Variants in PRELID2 observed in about 807,000 individuals in gnomAD.
PRELID2 encodes PRELI domain containing 2.
Under a neutral mutation model 28.4 loss-of-function variants are expected in PRELID2, and 25 were observed. The ratio of observed to expected loss-of-function variants is 0.88; its 90% confidence interval spans 0.64 to 1.23. PRELID2 has a LOEUF of 1.23. PRELID2 is among the 50% of genes most tolerant of loss of function. PRELID2 has a pLI of 0.00. For missense variants in PRELID2, 201 were observed against 214.4 expected (o/e 0.94, Z 0.39); for synonymous variants, 76 against 71.6 (o/e 1.06, Z -0.31).
At chr5:145,445,648 T>C in the PRELID2 span, among the ~76,000 whole-genome samples, 107 of 152,054 alleles carry the variant, frequency 7.0e-4, no homozygotes, top group African/African-American at 2.5e-3. Flanking sequence ...ATCCAGGTTA[T>C]ATAAGGTGCT....
chr5:145,319,167 G>A, the PRELID2 span, among the ~76,000 whole-genome samples: 1 of 152,132 alleles, frequency 6.6e-6, no homozygotes, highest in African/African-American at 2.4e-5. Context: ...AGAAATGCCT[G>A]TTCCCATTTA....
intron 1 of PRELID2, among the ~76,000 whole-genome samples, chr5:145,680,206 T>G (rs193180817): frequency 1.3e-5 from 2 of 152,142 alleles, no homozygotes. Context: ...ATTTGTGTTT[T>G]GAAAAAAGAA....
At chr5:145,380,458 T>G in the PRELID2 span, among the ~76,000 whole-genome samples, 2 of 152,334 alleles carry the variant, frequency 1.3e-5, no homozygotes, top group South Asian at 2.1e-4. Flanking sequence ...CCTCCAAAAG[T>G]TATTTTCTAA....
At chr5:145,393,468 C>G in the PRELID2 span, among the ~76,000 whole-genome samples, 1 of 152,142 alleles carries the variant, frequency 6.6e-6, no homozygotes, top group Non-Finnish European at 1.5e-5. Flanking sequence ...CGGGCAGCCT[C>G]CAGAACAAGA....
At chr5:145,819,796 A>G in intron 3 of PRELID2, 149 bp downstream of exon 3, 1 of 651,516 alleles carries the variant, frequency 1.5e-6, no homozygotes, top group South Asian at 1.9e-5. Context: ...GAGGTTGGAT[A>G]AGAAAGAGCT....
chr5:145,654,007 C>T (rs1271913054), intron 1 of PRELID2, among the ~76,000 whole-genome samples: 1 of 151,246 alleles, frequency 6.6e-6, no homozygotes, highest in Non-Finnish European at 1.5e-5. Context: ...GCTAGCAAGA[C>T]TAATAAAGAA....
chr5:145,236,211 G>A, the PRELID2 span, among the ~76,000 whole-genome samples: 1 of 152,132 alleles, frequency 6.6e-6, no homozygotes, highest in African/African-American at 2.4e-5. Context: ...CATCCTGTAA[G>A]AGGATGATAT....
At chr5:145,487,206 C>A (rs1320517222) in intron 1 of PRELID2, among the ~76,000 whole-genome samples, 1 of 148,454 alleles carries the variant, frequency 6.7e-6, no homozygotes, top group Non-Finnish European at 1.5e-5. Flanking sequence ...CTAACCTGCA[C>A]AATGTGCACA....
At chr5:145,531,306 C>A (rs1259186899) in intron 1 of PRELID2, among the ~76,000 whole-genome samples, 1 of 152,124 alleles carries the variant, frequency 6.6e-6, no homozygotes, top group Non-Finnish European at 1.5e-5. Context: ...ACTAAAAAAT[C>A]TTGTCCATTT....
the PRELID2 span, among the ~76,000 whole-genome samples, chr5:145,435,217 G>C: frequency 4.6e-5 from 7 of 152,146 alleles, no homozygotes; most frequent in Non-Finnish European, 1.5e-5. Context: ...AAATGCAATA[G>C]AAAAATTAGA....
At chr5:145,238,206 T>G in the PRELID2 span, among the ~76,000 whole-genome samples, 1 of 152,132 alleles carries the variant, frequency 6.6e-6, no homozygotes, top group African/African-American at 2.4e-5. Flanking sequence ...CAATTTTTGC[T>G]ATACATTTCT....
intron 1 of PRELID2, among the ~76,000 whole-genome samples, chr5:145,542,518 G>GA (rs746841250): frequency 3.9e-5 from 6 of 151,956 alleles, no homozygotes; most frequent in Admixed American, 2.6e-4. Flanking sequence ...ACTATTGGGA[G>GA]AAAAAAATAG....
the PRELID2 span, among the ~76,000 whole-genome samples, chr5:145,272,037 T>C: frequency 1.3e-5 from 2 of 152,126 alleles, no homozygotes; most frequent in African/African-American, 4.8e-5. Flanking sequence ...GGTGTGGAAG[T>C]CTTGGAATCT....
the PRELID2 span, among the ~76,000 whole-genome samples, chr5:145,245,957 A>C: frequency 6.6e-6 from 1 of 152,102 alleles, no homozygotes; most frequent in East Asian, 1.9e-4. Context: ...TCTTCTAAGA[A>C]TCCTCTGGAA....
intron 1 of PRELID2, among the ~76,000 whole-genome samples, chr5:145,577,221 A>G (rs1258086556): frequency 6.6e-6 from 1 of 152,184 alleles, no homozygotes; most frequent in Non-Finnish European, 1.5e-5. Flanking sequence ...ACATGACAGC[A>G]TCAAACAGAC....
At chr5:145,267,002 C>T in the PRELID2 span, among the ~76,000 whole-genome samples, 2 of 152,010 alleles carry the variant, frequency 1.3e-5, no homozygotes, top group African/African-American at 4.8e-5. Context: ...AAGAATGATA[C>T]AATGGACTTT....
In PRELID2 at chr5:145,604,882, C is replaced by CATATACATATAT. The variant is rs1554078629; in HGVS notation, n.71-131568_71-131567insATATATGTATAT. 3.6e-4 allele frequency among the ~76,000 whole-genome samples: 42 copies of CATATACATATAT among 116,146 alleles called. 1 individual carries two copies. Among genetic ancestry groups the CATATACATATAT allele is most frequent in the African/African-American group, 1.6e-3 (41 of 26,340 alleles). 76.2% of individuals were successfully genotyped at this position (116,146 alleles called of 152,430 possible). A position where few individuals can be genotyped will look rare whatever the true frequency, so the allele number is the denominator to read the frequency against. On this transcript the variant is annotated intron_variant and non_coding_transcript_variant, in intron 1 of 2. Transcript: ENST00000510259. ...ACCATATTTTAATATGCTTGTTGGC[C>CATATACATATAT]ATATATATATATATATATATATTCT...
At chr5:145,390,104 A>C in the PRELID2 span, among the ~76,000 whole-genome samples, 20 of 152,192 alleles carry the variant, frequency 1.3e-4, no homozygotes, top group Non-Finnish European at 2.8e-4. Context: ...ATTCTGATGG[A>C]GGTAAGGACA....
At chr5:145,470,983 C>G (rs1437184784), downstream of PRELID2, among the ~76,000 whole-genome samples, 1 of 152,028 alleles carries the variant, frequency 6.6e-6, no homozygotes, top group Non-Finnish European at 1.5e-5. Context: ...ATCCTAACCC[C>G]GGAGGTATAT....
Sources: allele counts gnomAD v4.1 joint callset (sites outside exome capture counted in the v4.1 genomes callset), GRCh38; gene constraint gnomAD v4.1.1; transcripts MANE v1.5; gene names NCBI Gene and HGNC (gene_info 2026-07-23, HGNC 2026-07-21).